The following IQCK variants were observed in gnomAD, a reference collection of about 807,000 sequenced individuals.
IQCK encodes IQ domain-containing protein K.
A neutral mutation model predicts 28.1 loss-of-function variants in IQCK; 29 were observed. The observed-to-expected ratio is 1.03, with a 90% CI of 0.77 to 1.41. The LOEUF is 1.41. Among genes scored for constraint, IQCK ranks in the 40% most tolerant of loss-of-function variants. The pLI is 0.00. For missense variants in IQCK, 359 were observed against 314.7 expected, an observed-to-expected ratio of 1.14 and a Z score of -1.07; for synonymous variants, 113 against 115.1, an observed-to-expected ratio of 0.98 and a Z score of 0.12.
At chr16:19,784,058 T>A (rs1567556072) in intron 6 of IQCK, among the ~76,000 whole-genome samples, 1 of 152,120 alleles carries the variant, frequency 6.6e-6, no homozygotes, top group Non-Finnish European at 1.5e-5. Flanking sequence ...CGCTATCAAA[T>A]CTCCCCTCCA....
chr16:19,818,637 C>T (rs1214747551), intron 7 of IQCK, among the ~76,000 whole-genome samples: 2 of 152,168 alleles, frequency 1.3e-5, no homozygotes, highest in African/African-American at 2.4e-5. Flanking sequence ...AGGTGATCTG[C>T]CCGCCTTGAC....
chr16:19,808,332 TC>T (rs1286198782), intron 7 of IQCK, among the ~76,000 whole-genome samples: 2 of 152,138 alleles, frequency 1.3e-5, no homozygotes, highest in Non-Finnish European at 2.9e-5. Flanking sequence ...TCAGCAAAAC[TC>T]CCTTTTTATT....
At chr16:19,827,602 G>A (rs1329391217), downstream of IQCK, among the ~76,000 whole-genome samples, 1 of 152,114 alleles carries the variant, frequency 6.6e-6, no homozygotes, top group Non-Finnish European at 1.5e-5. Flanking sequence ...TTCTAGATCT[G>A]TCTGTCAAGG....
intron 5 of IQCK, 60 bp from the exon 6 acceptor site, chr16:19,763,975 A>G (rs933855512): frequency 3.1e-6 from 5 of 1,598,806 alleles, no homozygotes; most frequent in African/African-American, 2.7e-5. Context: ...AATAGCAACA[A>G]CTGACTTGAA....
chr16:19,808,526 G>T (rs1351767845), intron 7 of IQCK, among the ~76,000 whole-genome samples: 1 of 152,154 alleles, frequency 6.6e-6, no homozygotes, highest in African/African-American at 2.4e-5. Flanking sequence ...TCACTTCTCA[G>T]AGCCTCATTT....
chr16:19,778,721 G>A (rs1355072127), intron 6 of IQCK, among the ~76,000 whole-genome samples: 1 of 152,144 alleles, frequency 6.6e-6, no homozygotes, highest in Non-Finnish European at 1.5e-5. Context: ...GGTATCTGCA[G>A]AGAGCTGGAG....
At chr16:19,733,993 T>A in intron 3 of IQCK, 166 bp downstream of exon 3, 1 of 594,076 alleles carries the variant, frequency 1.7e-6, no homozygotes, top group Non-Finnish European at 2.8e-6. Flanking sequence ...CACTGATTTA[T>A]CTTTAAGGTT....
At chr16:19,817,290 G>A (rs1300749336) in intron 7 of IQCK, among the ~76,000 whole-genome samples, 1 of 152,132 alleles carries the variant, frequency 6.6e-6, no homozygotes, top group African/African-American at 2.4e-5. Context: ...GCATTCCATG[G>A]TATTTGCTGA....
intron 4 of IQCK, among the ~76,000 whole-genome samples, chr16:19,750,443 T>C (rs2054970469): frequency 6.8e-6 from 1 of 146,838 alleles, no homozygotes; most frequent in East Asian, 2.1e-4. Context: ...AATGAGAATT[T>C]TGTGTTTTTT....
intron 6 of IQCK, among the ~76,000 whole-genome samples, chr16:19,777,646 TTCTCTAGTGCCTC>T (rs2055413362): frequency 6.6e-6 from 1 of 152,148 alleles, no homozygotes. Flanking sequence ...GATGTATAAG[TTCTCTAGTGCCTC>T]TCTTTTGCTG....
At chr16:19,822,317 C>G (rs1676516876) in intron 7 of IQCK, among the ~76,000 whole-genome samples, 1 of 134,440 alleles carries the variant, frequency 7.4e-6, no homozygotes, top group Non-Finnish European at 1.5e-5. Context: ...ACCAGGGAGG[C>G]AGAGGTTGCA....
chr16:19,803,834 A>G (rs989122894), intron 7 of IQCK, among the ~76,000 whole-genome samples: 2 of 151,840 alleles, frequency 1.3e-5, no homozygotes, highest in Non-Finnish European at 2.9e-5. Flanking sequence ...TTTTGTAGAG[A>G]TGGGGGTCTC....
At chr16:19,858,457 TAGA>T in exon 10 of IQCK, 2 of 674,970 alleles carry the variant, frequency 3.0e-6, no homozygotes, top group South Asian at 3.2e-5. Flanking sequence ...ATAAAGAACT[TAGA>T]AAACGAACGT....
intron 4 of IQCK, among the ~76,000 whole-genome samples, chr16:19,752,702 T>C (rs2055002278): frequency 6.6e-6 from 1 of 152,124 alleles, no homozygotes. Flanking sequence ...GCTGGGACTA[T>C]AGGCATACAT....
chr16:19,830,815 G>T (rs186446172), downstream of IQCK, among the ~76,000 whole-genome samples: 250 of 152,234 alleles, frequency 1.6e-3, 1 homozygote, highest in Non-Finnish European at 1.8e-3. Flanking sequence ...TGTCTATCTC[G>T]TACAAGTGTT....
At chr16:19,758,666 T>C (rs988994547) in intron 4 of IQCK, among the ~76,000 whole-genome samples, 1 of 152,260 alleles carries the variant, frequency 6.6e-6, no homozygotes, top group Non-Finnish European at 1.5e-5. Context: ...AGATGGCTTT[T>C]TGAAGGGACT....
intron 1 of IQCK, among the ~76,000 whole-genome samples, chr16:19,729,610 C>T (rs938611237): frequency 5.9e-5 from 9 of 151,546 alleles, no homozygotes; most frequent in Non-Finnish European, 1.2e-4. Context: ...CATCTCTTAC[C>T]GACTTTATTA....
At chr16:19,759,750 G>A (rs1005001926) in intron 4 of IQCK, among the ~76,000 whole-genome samples, 1 of 152,128 alleles carries the variant, frequency 6.6e-6, no homozygotes, top group African/African-American at 2.4e-5. Flanking sequence ...GGCCGAGACG[G>A]GAGGATCACT....
At chr16:19,858,232 C>T (rs1315250793) in exon 10 of IQCK, 6 of 364,064 alleles carry the variant, frequency 1.6e-5, no homozygotes, top group African/African-American at 8.3e-5. Flanking sequence ...CTCCCGCCTC[C>T]GCCCCCATTA....
Sources: gnomAD v4.1 joint callset for allele counts (sites outside exome capture counted in the v4.1 genomes callset) on GRCh38, gnomAD v4.1.1 for gene constraint, MANE v1.5 for transcripts, NCBI Gene and HGNC (gene_info 2026-07-23, HGNC 2026-07-21) for gene names.